CERT1: variants seen among roughly 807,000 people sequenced by gnomAD.
CERT1 encodes ceramide transfer protein.
Under a neutral mutation model 87.9 loss-of-function variants are expected in CERT1, and 31 were observed. That is an observed-to-expected ratio of 0.35 (90% confidence interval 0.27 to 0.48). CERT1 has a LOEUF of 0.48. Among genes scored for constraint, CERT1 ranks in the 20% least tolerant of loss-of-function variants. The pLI is 0.99. For missense variants in CERT1, 487 were observed against 758.0 expected, an observed-to-expected ratio of 0.64 and a Z score of 4.20; for synonymous variants, 289 against 250.9, an observed-to-expected ratio of 1.15 and a Z score of -1.44.
chr5:75,427,788 T>A (rs1245209627), intron 3 of CERT1, among the ~76,000 whole-genome samples: 1 of 152,186 alleles, frequency 6.6e-6, no homozygotes, highest in Non-Finnish European at 1.5e-5. Context: ...AAAACAAACC[T>A]GTAGGTTTAG....
At chr5:75,464,211 G>GAAGTAA (rs1765357942) in intron 2 of CERT1, among the ~76,000 whole-genome samples, 3 of 152,154 alleles carry the variant, frequency 2.0e-5, no homozygotes, top group Non-Finnish European at 4.4e-5. Context: ...CAACATTGGA[G>GAAGTAA]AAGTAAAGGA....
At chr5:75,458,018 C>G (rs561621920) in intron 3 of CERT1, among the ~76,000 whole-genome samples, 8 of 150,722 alleles carry the variant, frequency 5.3e-5, no homozygotes, top group African/African-American at 1.7e-4. Flanking sequence ...TTAGAAATAA[C>G]CAAAACAGGT....
chr5:75,384,807 G>T, intron 13 of CERT1, 95 bp from the exon 14 acceptor site: 1 of 781,080 alleles, frequency 1.3e-6, no homozygotes, highest in Non-Finnish European at 2.1e-6. Context: ...GGACAGTATG[G>T]TAAATTGAAC....
In CERT1 at chr5:75,411,084, C is replaced by G; in HGVS notation, c.857G>C (p.Arg286Thr). The change falls in exon 8 of 17, where the codon AGA (arginine) becomes ACA (threonine). Residue 286 changes from arginine to threonine, a missense_variant. This residue lies in a region of CERT1 where 21 missense variants were observed against 20.4 expected (regional missense o/e 1.03). Transcript: ENST00000643780. Reference protein sequence around the residue: ...RLDKETEKKRRTEEAYKNAMT... With the variant: ...RLDKETEKKRTTEEAYKNAMT... ...TGCATTTTTATATGCTTCCTCTGTT[C>G]TTCTTTTCTTCTCAGTTTCCTATTA... 6.4e-7 allele frequency: 1 copy of G among 1,574,554 alleles called. No homozygotes were observed. Among genetic ancestry groups the G allele is most frequent in the South Asian group, 1.2e-5 (1 of 84,382 alleles).
At chr5:75,460,327 T>G (rs1244649610) in intron 2 of CERT1, among the ~76,000 whole-genome samples, 1 of 152,154 alleles carries the variant, frequency 6.6e-6, no homozygotes, top group South Asian at 2.1e-4. Flanking sequence ...TTACATGTCT[T>G]TGATAGTAAC....
intron 14 of CERT1, 81 bp from the exon 15 acceptor site, chr5:75,382,158 A>G: frequency 1.5e-6 from 2 of 1,332,528 alleles, no homozygotes; most frequent in Non-Finnish European, 2.1e-6. Flanking sequence ...AAATGTCTTA[A>G]TTGAAGGTAA....
intron 5 of CERT1, among the ~76,000 whole-genome samples, chr5:75,420,911 C>T (rs1489125536): frequency 6.6e-6 from 1 of 152,190 alleles, no homozygotes; most frequent in African/African-American, 2.4e-5. Context: ...CAACCTCCAC[C>T]TCCCAGGCTC....
At chr5:75,476,233 G>A (rs1765947648) in intron 2 of CERT1, among the ~76,000 whole-genome samples, 1 of 152,080 alleles carries the variant, frequency 6.6e-6, no homozygotes. Context: ...GTAAGTTAAA[G>A]AGGTTGTTTT....
chr5:75,508,317 C>G (rs1767754102), intron 1 of CERT1, among the ~76,000 whole-genome samples: 4 of 152,188 alleles, frequency 2.6e-5, no homozygotes, highest in Admixed American at 2.0e-4. Context: ...AGTGCCTGGA[C>G]ATAGTATTTT....
rs145460846 is a variant in CERT1 at position 75,468,040 on chromosome 5, T to C, written c.232-8859A>G. 9.2e-5 allele frequency among the ~76,000 whole-genome samples: 14 copies of C among 152,284 alleles called. No individual in the cohort carries two copies. The East Asian group carries it at 9.6e-4, about 10-fold the overall frequency. ...CCCTTAGTGTTAGAATTACAAGTGG[T>C]TTTCTTCTTTAGAAATTTTTGTATT... On this transcript the variant is annotated intron_variant, in intron 2 of 16. Coordinates refer to ENST00000643780, the MANE Select transcript of CERT1 (RefSeq NM_001379029.1).
intron 2 of CERT1, among the ~76,000 whole-genome samples, chr5:75,490,011 C>A (rs1017009545): frequency 3.9e-5 from 6 of 152,182 alleles, no homozygotes; most frequent in African/African-American, 1.4e-4. Flanking sequence ...GAATACTATG[C>A]AGCCATAAAA....
At chr5:75,443,025 G>C (rs977051321) in intron 3 of CERT1, among the ~76,000 whole-genome samples, 2 of 152,046 alleles carry the variant, frequency 1.3e-5, no homozygotes, top group African/African-American at 4.8e-5. Context: ...TGGGGTCTTG[G>C]AACATATACC....
chr5:75,477,332 C>A (rs913939907), intron 2 of CERT1, among the ~76,000 whole-genome samples: 7 of 152,012 alleles, frequency 4.6e-5, no homozygotes, highest in Admixed American at 1.3e-4. Context: ...GGGCTGAAGA[C>A]AGGGCAGGTT....
intron 12 of CERT1, among the ~76,000 whole-genome samples, chr5:75,388,245 TTTATC>T (rs1466451267): frequency 6.6e-6 from 1 of 152,134 alleles, no homozygotes; most frequent in Admixed American, 6.6e-5. Context: ...ATCTGTCTGT[TTTATC>T]TTATGTCTTA....
chr5:75,457,218 G>C (rs1765021275), intron 3 of CERT1, among the ~76,000 whole-genome samples: 2 of 152,180 alleles, frequency 1.3e-5, no homozygotes, highest in African/African-American at 4.8e-5. Context: ...ATTTAGTTGA[G>C]ACTCCAAGTC....
chr5:75,464,187 A>G (rs1561281863), intron 2 of CERT1, among the ~76,000 whole-genome samples: 2 of 152,186 alleles, frequency 1.3e-5, no homozygotes, highest in African/African-American at 2.4e-5. Context: ...AAAAGAATCA[A>G]GCCAATTTGC....
intron 2 of CERT1, among the ~76,000 whole-genome samples, chr5:75,463,400 G>A (rs1765321066): frequency 1.3e-5 from 2 of 151,924 alleles, no homozygotes; most frequent in African/African-American, 4.8e-5. Context: ...CCACCACTAA[G>A]AATGCATGCT....
chr5:75,420,545 A>G (rs1763333916), intron 5 of CERT1, among the ~76,000 whole-genome samples: 2 of 152,024 alleles, frequency 1.3e-5, no homozygotes, highest in African/African-American at 2.4e-5. Flanking sequence ...GGGTTTGACC[A>G]TGTTAGCCAG....
chr5:75,409,428 C>A (rs1197181712), intron 8 of CERT1, among the ~76,000 whole-genome samples: 2 of 152,316 alleles, frequency 1.3e-5, no homozygotes, highest in Admixed American at 1.3e-4. Context: ...AGAAAAAATT[C>A]TTCTGTTTTC....
Sources: allele counts gnomAD v4.1 joint callset (sites outside exome capture counted in the v4.1 genomes callset), GRCh38; gene constraint gnomAD v4.1.1; regional missense constraint gnomAD v4.1.1; transcripts MANE v1.5; gene names NCBI Gene and HGNC (gene_info 2026-07-23, HGNC 2026-07-21).